DLG2: variants seen among roughly 807,000 people sequenced by gnomAD.
The protein encoded by DLG2 is discs large MAGUK scaffold protein 2, also known as disks large homolog 2.
A neutral mutation model predicts 132.5 loss-of-function variants in DLG2; 45 were observed. That is an observed-to-expected ratio of 0.34 (90% confidence interval 0.27 to 0.44). The LOEUF (loss-of-function observed/expected upper bound fraction) is 0.44, where lower values mean the gene tolerates loss of function less well. Among genes scored for constraint, DLG2 ranks in the 20% least tolerant of loss-of-function variants. The probability of loss-of-function intolerance (pLI) is 1.00; values close to 1 mark genes in which losing one functional copy is unlikely to be tolerated. For missense variants in DLG2, 1,045 were observed against 1,196.9 expected (o/e 0.87, Z 1.87); for synonymous variants, 424 against 419.6 (o/e 1.01, Z -0.13).
At chr11:84,946,347 T>C (rs1325470409) in intron 6 of DLG2, among the ~76,000 whole-genome samples, 1 of 151,986 alleles carries the variant, frequency 6.6e-6, no homozygotes, top group Non-Finnish European at 1.5e-5. Context: ...AGCCCAGCAA[T>C]GAGTCTCACC....
rs369262748 is a variant in DLG2 at position 84,479,346 on chromosome 11, G to A, written c.519+55224C>T. Among the ~76,000 whole-genome samples, 16 of 152,162 alleles carry A rather than the reference G, an allele frequency of 1.1e-4. No homozygotes were observed. The East Asian group carries it at 2.9e-3, about 28-fold the overall frequency. ...CCAAAATGAGTCCTCAGATGGTGAC[G>A]TGAAGGCTCTGTCTAATATACCTTT... On this transcript the variant is annotated intron_variant, in intron 7 of 27. Transcript: ENST00000376104.
At chr11:84,686,630 G>GTTTTTTTTT (rs60618412) in intron 6 of DLG2, among the ~76,000 whole-genome samples, 6 of 113,804 alleles carry the variant, frequency 5.3e-5, no homozygotes, top group East Asian at 2.8e-4. Flanking sequence ...TGGCCTTGAG[G>GTTTTTTTTT]TTTTTTTTTT....
intron 6 of DLG2, among the ~76,000 whole-genome samples, chr11:84,857,241 T>A (rs1213914030): frequency 6.6e-6 from 1 of 151,964 alleles, no homozygotes; most frequent in Non-Finnish European, 1.5e-5. Context: ...AATCTGTTTG[T>A]TTCTTTTTTA....
chr11:83,651,694 TACTA>T, intron 18 of DLG2: 2 of 327,164 alleles, frequency 6.1e-6, no homozygotes, highest in South Asian at 5.4e-5. Context: ...CTAGTTAAAT[TACTA>T]ACCAGAAAGA....
rs140437324 is a variant in DLG2, at chr11:84,984,871, G to C, written c.357+126790C>G. The stretch of plus-strand genomic sequence containing the variant: ...AGACAAAACAAAATTTAAAGCAACA[G>C]CAGTTAAAAAAGACATAGAGGGACA... On this transcript the variant is annotated intron_variant, in intron 6 of 27. Coordinates refer to ENST00000376104, the MANE Select transcript of DLG2 (RefSeq NM_001142699.3). Among the ~76,000 whole-genome samples, 614 of 152,264 alleles carry C rather than the reference G, an allele frequency of 4.0e-3. 29 individuals carry two copies. Among genetic ancestry groups the C allele is most frequent in the Admixed American group, 0.032 (485 of 15,296 alleles).
intron 8 of DLG2, among the ~76,000 whole-genome samples, chr11:84,218,090 C>A (rs2096859942): frequency 6.6e-6 from 1 of 152,012 alleles, no homozygotes; most frequent in South Asian, 2.1e-4. Flanking sequence ...ATCATTTGAA[C>A]CCAGGAGGTG....
At chr11:83,577,472 AAATAGGATATATTATATATATATAT>A (rs1306461853) in intron 19 of DLG2, among the ~76,000 whole-genome samples, 3,322 of 131,270 alleles carry the variant, frequency 0.025, 172 homozygotes, top group African/African-American at 0.1. Flanking sequence ...TATATATATA[AAATAGGATATATTATATATATATAT>A]AATAGGATAT....
intron 3 of DLG2, among the ~76,000 whole-genome samples, chr11:85,565,272 G>T (rs2153224459): frequency 6.6e-6 from 1 of 152,122 alleles, no homozygotes; most frequent in East Asian, 1.9e-4. Flanking sequence ...GATGAAAGTG[G>T]TTATCCTTGT....
chr11:84,667,549 T>C (rs1053266531), intron 6 of DLG2, among the ~76,000 whole-genome samples: 1 of 142,004 alleles, frequency 7.0e-6, no homozygotes, highest in African/African-American at 2.6e-5. Context: ...CAGGCTGGAG[T>C]ACAGTGGTGC....
At chr11:83,691,636 G>T (rs937250366) in intron 18 of DLG2, among the ~76,000 whole-genome samples, 2 of 152,108 alleles carry the variant, frequency 1.3e-5, no homozygotes, top group Admixed American at 6.5e-5. Context: ...CTGGTTCTAG[G>T]TGCCTGTAAC....
chr11:84,407,078 A>G (rs1382989751), intron 7 of DLG2, among the ~76,000 whole-genome samples: 1 of 152,166 alleles, frequency 6.6e-6, no homozygotes, highest in Non-Finnish European at 1.5e-5. Flanking sequence ...CCCAGTTATC[A>G]TAACTGGGCT....
intron 2 of DLG2, among the ~76,000 whole-genome samples, chr11:85,611,996 G>A (rs576624910): frequency 6.6e-6 from 1 of 152,268 alleles, no homozygotes; most frequent in Non-Finnish European, 1.5e-5. Context: ...GAGAGAGACA[G>A]AGAGGAAGAG....
At chr11:83,912,005 C>G (rs1270698021) in intron 15 of DLG2, among the ~76,000 whole-genome samples, 5 of 151,686 alleles carry the variant, frequency 3.3e-5, no homozygotes, top group Non-Finnish European at 7.4e-5. Flanking sequence ...ATTATTGAAA[C>G]AGCAACAAAT....
rs999338480 is a variant in DLG2, at chr11:85,491,923, C to G, written c.40+106734G>C. 7.0e-4 allele frequency among the ~76,000 whole-genome samples: 104 copies of G among 149,232 alleles called. 1 individual carries two copies. Among genetic ancestry groups the G allele is most frequent in the African/African-American group, 2.5e-3 (97 of 38,838 alleles). ...AATTCGTGTGAAACTACAAAAGGCC[C>G]TGAATAGCCAAACCAATATTAAGCA... On this transcript the variant is annotated intron_variant, in intron 3 of 27. Transcript: ENST00000376104.
At chr11:85,514,202 C>T (rs1054362211) in intron 3 of DLG2, among the ~76,000 whole-genome samples, 7 of 152,058 alleles carry the variant, frequency 4.6e-5, no homozygotes, top group African/African-American at 1.7e-4. Flanking sequence ...TGTCTTTAAT[C>T]CTCACATCAA....
In DLG2 at chr11:84,776,007, T is replaced by C. The variant is rs114765594; in HGVS notation, c.358-241276A>G. ...TTTCAATATCTTATTGCTGGGCTTATAATACTGTAATTTCTGATAACTGAT... is the reference window on the plus strand; with the variant it reads ...TTTCAATATCTTATTGCTGGGCTTACAATACTGTAATTTCTGATAACTGAT... On this transcript the variant is annotated intron_variant, in intron 6 of 27. Transcript: ENST00000376104. Among the ~76,000 whole-genome samples, 705 of 152,342 alleles carry C rather than the reference T, an allele frequency of 4.6e-3. 4 individuals are homozygous for C. The highest frequency in any genetic ancestry group is 0.016 in the African/African-American group (684 of 41,580).
At chr11:85,255,804 AAG>A (rs1251694564) in intron 4 of DLG2, among the ~76,000 whole-genome samples, 1 of 152,230 alleles carries the variant, frequency 6.6e-6, no homozygotes, top group Non-Finnish European at 1.5e-5. Flanking sequence ...GAATTACAAA[AAG>A]AGTGAGAATA....
rs184971092 is a variant in DLG2 at position 83,633,584 on chromosome 11, G to A, written c.1826-259C>T. Reference sequence around the variant, plus strand: ...TCCCAACTTGTAAAAAGTCCATGGGGGCTGGGAGAGGGAGGATGGGGGATC... The same window carrying A: ...TCCCAACTTGTAAAAAGTCCATGGGAGCTGGGAGAGGGAGGATGGGGGATC... On this transcript the variant is annotated intron_variant, in intron 18 of 27. Coordinates refer to ENST00000376104, the MANE Select transcript of DLG2 (RefSeq NM_001142699.3). 2.4e-3 allele frequency among the ~76,000 whole-genome samples: 372 copies of A among 152,150 alleles called. 1 individual carries two copies. Among genetic ancestry groups the A allele is most frequent in the Non-Finnish European group, 4.2e-3 (286 of 67,994 alleles).
chr11:85,076,386 T>C (rs569704525), intron 6 of DLG2, among the ~76,000 whole-genome samples: 50 of 152,098 alleles, frequency 3.3e-4, no homozygotes, highest in Admixed American at 6.6e-4. Flanking sequence ...TCCTGATGAG[T>C]TCAATTTTCA....
Sources: allele counts gnomAD v4.1 joint callset (sites outside exome capture counted in the v4.1 genomes callset), GRCh38; gene constraint gnomAD v4.1.1; transcripts MANE v1.5; gene names NCBI Gene and HGNC (gene_info 2026-07-23, HGNC 2026-07-21).